Variants in ETFA observed in about 807,000 individuals in gnomAD.
ETFA encodes the protein electron transfer flavoprotein subunit alpha, also known as electron transfer flavoprotein subunit alpha, mitochondrial.
A neutral mutation model predicts 46.2 loss-of-function variants in ETFA; 22 were observed. That is an observed-to-expected ratio of 0.48 (90% CI 0.34 to 0.68). The LOEUF (loss-of-function observed/expected upper bound fraction) is 0.68. Ranked by LOEUF, ETFA falls within the 30% of genes least tolerant of loss-of-function variation. The probability of loss-of-function intolerance (pLI) is 0.01; values close to 1 mark genes in which losing one functional copy is unlikely to be tolerated. For missense variants in ETFA, 345 were observed against 401.1 expected, an observed-to-expected ratio of 0.86 and a Z score of 1.19; for synonymous variants, 131 against 139.9, an observed-to-expected ratio of 0.94 and a Z score of 0.45.
intron 8 of ETFA, among the ~76,000 whole-genome samples, chr15:76,275,036 C>A (rs2039578269): frequency 2.6e-5 from 4 of 152,118 alleles, no homozygotes. Flanking sequence ...ACAGAGGGAG[C>A]CATAGACAAT....
chr15:76,250,282 A>G (rs1184185411), intron 9 of ETFA, among the ~76,000 whole-genome samples: 3 of 152,146 alleles, frequency 2.0e-5, no homozygotes, highest in African/African-American at 7.2e-5. Flanking sequence ...AATATACACA[A>G]TAATATTATA....
intron 9 of ETFA, chr15:76,259,329 G>A (rs1313092653): frequency 1.3e-6 from 2 of 1,595,864 alleles, no homozygotes; most frequent in Non-Finnish European, 1.7e-6. Flanking sequence ...AGTAAAGCTT[G>A]GGCGCTGCTT....
intron 1 of ETFA, among the ~76,000 whole-genome samples, chr15:76,306,267 C>CTTTTTTTTTTTTTTTTTTT (rs35290919): frequency 2.7e-5 from 3 of 109,492 alleles, no homozygotes; most frequent in African/African-American, 6.8e-5. Context: ...TTTTTTGCTT[C>CTTTTTTTTTTTTTTTTTTT]TTTTTTTTTT....
intron 9 of ETFA, chr15:76,261,503 T>C (rs1234094631): frequency 1.2e-5 from 9 of 747,534 alleles, no homozygotes; most frequent in Non-Finnish European, 2.0e-5. Flanking sequence ...CCCTCCATGC[T>C]GCAGCTGAGC....
chr15:76,241,050 C>A (rs950267452), intron 9 of ETFA, among the ~76,000 whole-genome samples: 4 of 151,864 alleles, frequency 2.6e-5, no homozygotes, highest in African/African-American at 4.8e-5. Flanking sequence ...TTTAAGTGTA[C>A]CTGAAATTAT....
At chr15:76,280,486 T>C (rs2039636740) in intron 8 of ETFA, among the ~76,000 whole-genome samples, 1 of 152,148 alleles carries the variant, frequency 6.6e-6, no homozygotes, top group Non-Finnish European at 1.5e-5. Context: ...GTCCAAACTA[T>C]GAGTATCTCC....
At chr15:76,250,892 C>T in intron 9 of ETFA, among the ~76,000 whole-genome samples, 1 of 151,928 alleles carries the variant, frequency 6.6e-6, no homozygotes, top group Admixed American at 6.6e-5. Context: ...AGGAAGAGTA[C>T]ACAAGGGTTT....
chr15:76,282,053 AC>A (rs1355576588), intron 8 of ETFA, among the ~76,000 whole-genome samples: 1 of 151,848 alleles, frequency 6.6e-6, no homozygotes, highest in African/African-American at 2.4e-5. Flanking sequence ...ACAGGTGTGC[AC>A]CACCACATCA....
At chr15:76,284,197 T>C (rs940911354) in intron 7 of ETFA, among the ~76,000 whole-genome samples, 4 of 152,224 alleles carry the variant, frequency 2.6e-5, no homozygotes, top group Non-Finnish European at 5.9e-5. Flanking sequence ...ATTATTTGAA[T>C]GGGAGTCATC....
At chr15:76,228,096 G>A (rs1438999051) in intron 10 of ETFA, 1 of 395,414 alleles carries the variant, frequency 2.5e-6, no homozygotes, top group Non-Finnish European at 5.0e-6. Flanking sequence ...TTTAGTTATT[G>A]ATGGTAAATT....
intron 9 of ETFA, among the ~76,000 whole-genome samples, chr15:76,269,493 A>G (rs1007203546): frequency 2.0e-5 from 3 of 151,972 alleles, no homozygotes; most frequent in Non-Finnish European, 4.4e-5. Context: ...CCACATCCTC[A>G]CCACCTGTTT....
At chr15:76,282,324 A>T (rs2039663906) in intron 8 of ETFA, among the ~76,000 whole-genome samples, 1 of 152,164 alleles carries the variant, frequency 6.6e-6, no homozygotes, top group South Asian at 2.1e-4. Context: ...CAGAGTAGCC[A>T]CCAGAAGCTG....
intron 9 of ETFA, chr15:76,259,988 C>G: frequency 6.9e-7 from 1 of 1,453,690 alleles, no homozygotes; most frequent in Admixed American, 1.7e-5. Context: ...TGGTCAAACT[C>G]CTTCATGCAA....
At chr15:76,295,936 C>CCTTT (rs2039816100) in intron 1 of ETFA, among the ~76,000 whole-genome samples, 199 bp from the exon 2 acceptor site, 32 of 46,598 alleles carry the variant, frequency 6.9e-4, no homozygotes, top group African/African-American at 2.1e-3. Context: ...CACTAATATT[C>CCTTT]TTTTTTTTTT....
At chr15:76,261,071 G>C in intron 9 of ETFA, 1 of 1,545,914 alleles carries the variant, frequency 6.5e-7, no homozygotes, top group Non-Finnish European at 8.9e-7. Context: ...TGCGAGAAGA[G>C]GCCAGGCATT....
At chr15:76,242,567 G>A (rs563588307) in intron 9 of ETFA, among the ~76,000 whole-genome samples, 4 of 152,284 alleles carry the variant, frequency 2.6e-5, no homozygotes, top group African/African-American at 9.6e-5. Flanking sequence ...GAACTGACAA[G>A]AGGGACTCAA....
Position 76,249,129 on chromosome 15 carries a change from A to ATTT in ETFA, c.817-17734_817-17732dup, listed in dbSNP as rs71143303. 3.3e-3 allele frequency among the ~76,000 whole-genome samples: 468 copies of ATTT among 140,686 alleles called. 7 individuals carry two copies. The highest frequency in any genetic ancestry group is 0.011 in the African/African-American group (425 of 38,096). 92.3% of individuals were successfully genotyped at this position (140,686 alleles called of 152,430 possible). Reference sequence around the variant, plus strand: ...ATATAACATAAAATTTACCATAGTAATTTTTTTTTTTTTTTTGAGACGGAG... The same window carrying ATTT: ...ATATAACATAAAATTTACCATAGTAATTTTTTTTTTTTTTTTTTTGAGACGGAG... On this transcript the variant is annotated intron_variant, in intron 9 of 11. Transcript: ENST00000557943.
rs115369586 is a variant in ETFA at position 76,263,830 on chromosome 15, C to T, written c.816+10582G>A. Reference sequence around the variant, plus strand: ...GATTCTGAGTGTGAGAAACAGCTACCGGAGGAGATTAAAGAAAAGAAAGGA... The same window carrying T: ...GATTCTGAGTGTGAGAAACAGCTACTGGAGGAGATTAAAGAAAAGAAAGGA... On this transcript the variant is annotated intron_variant, in intron 9 of 11. Coordinates refer to ENST00000557943, the MANE Select transcript of ETFA (RefSeq NM_000126.4). Among the ~76,000 whole-genome samples the T allele has an allele frequency of 1.1e-3, 162 of 152,078 alleles. 1 individual carries two copies. Among genetic ancestry groups the T allele is most frequent in the African/African-American group, 3.5e-3 (143 of 41,446 alleles).
chr15:76,278,491 C>T (rs1000337102), intron 8 of ETFA, among the ~76,000 whole-genome samples: 2 of 152,306 alleles, frequency 1.3e-5, no homozygotes, highest in East Asian at 3.9e-4. Flanking sequence ...GCTGATTAAG[C>T]AACCTCTCCA....
Sources: allele counts gnomAD v4.1 joint callset (sites outside exome capture counted in the v4.1 genomes callset), GRCh38; gene constraint gnomAD v4.1.1; transcripts MANE v1.5; gene names NCBI Gene and HGNC (gene_info 2026-07-23, HGNC 2026-07-21).